Variants in KCNN2 observed in about 807,000 individuals in gnomAD.
The protein encoded by KCNN2 is small conductance calcium-activated potassium channel protein 2.
A neutral mutation model predicts 55.5 loss-of-function variants in KCNN2; 24 were observed. That is an observed-to-expected ratio of 0.43 (90% CI 0.31 to 0.61). KCNN2 has a LOEUF of 0.61. KCNN2 is among the 20% of genes least tolerant of loss of function. The pLI is 0.08. For synonymous variants in KCNN2, 431 were observed against 336.1 expected (o/e 1.28, Z -3.09); for missense variants, 754 against 853.6 (o/e 0.88, Z 1.45).
upstream of KCNN2, among the ~76,000 whole-genome samples, chr5:114,360,304 G>C (rs1437520647): frequency 6.6e-6 from 1 of 151,934 alleles, no homozygotes. Context: ...GCGCACACAC[G>C]CACACTCTGA....
intron 2 of KCNN2, among the ~76,000 whole-genome samples, chr5:114,354,704 C>T (rs1350315426): frequency 6.6e-6 from 1 of 151,896 alleles, no homozygotes; most frequent in Non-Finnish European, 1.5e-5. Flanking sequence ...ATAGTTTCAA[C>T]TAATTAAAAC....
chr5:114,463,281 C>T (rs1158458761), intron 4 of KCNN2, 91 bp downstream of exon 4: 4 of 967,370 alleles, frequency 4.1e-6, no homozygotes, highest in East Asian at 5.1e-5. Context: ...TTGTGAGCTA[C>T]TTCTTTTCCC....
chr5:114,237,274 ACACACACACACACACACT>A (rs992627885), intron 2 of KCNN2, among the ~76,000 whole-genome samples: 11 of 151,160 alleles, frequency 7.3e-5, no homozygotes, highest in African/African-American at 2.7e-4. Flanking sequence ...ACACACACAC[ACACACACACACACACACT>A]CACACACACA....
At chr5:114,078,452 G>A (rs1750729605) in intron 1 of KCNN2, among the ~76,000 whole-genome samples, 2 of 152,094 alleles carry the variant, frequency 1.3e-5, no homozygotes, top group African/African-American at 2.4e-5. Context: ...ATCGAGTATG[G>A]CACCAGGAAT....
intron 1 of KCNN2, among the ~76,000 whole-genome samples, chr5:114,128,652 G>A (rs1227766065): frequency 6.6e-6 from 1 of 152,144 alleles, no homozygotes; most frequent in East Asian, 1.9e-4. Context: ...TGGAACTCAT[G>A]TTAAGCTGAG....
At chr5:114,483,206 G>A (rs1421179610) in intron 5 of KCNN2, among the ~76,000 whole-genome samples, 1 of 151,236 alleles carries the variant, frequency 6.6e-6, no homozygotes, top group Non-Finnish European at 1.5e-5. Flanking sequence ...ACTTGTGAAA[G>A]TTGTTTTTAA....
At chr5:114,224,683 G>C (rs1754206891) in intron 2 of KCNN2, among the ~76,000 whole-genome samples, 1 of 152,088 alleles carries the variant, frequency 6.6e-6, no homozygotes, top group Non-Finnish European at 1.5e-5. Flanking sequence ...TGGAACATTG[G>C]GCTCAGTAGT....
rs917203775 is a variant in KCNN2, at chr5:114,478,310, T to C, written c.1890+5146T>C. ...CCTTTTAAACTATGTTGTCATTACC[T>C]ATATGCTATAGGTTTGAACAAAGCA... is the stretch of plus-strand genomic sequence containing the variant. On this transcript the variant is annotated intron_variant, in intron 5 of 7. Transcript: ENST00000673685. Among the ~76,000 whole-genome samples, 2 of 152,154 alleles carry C rather than the reference T, an allele frequency of 1.3e-5. 1 individual carries two copies. The highest frequency in any genetic ancestry group is 1.3e-4 in the Admixed American group (2 of 15,264).
intron 1 of KCNN2, among the ~76,000 whole-genome samples, chr5:114,121,361 G>A (rs1010931985): frequency 1.3e-5 from 2 of 152,160 alleles, no homozygotes; most frequent in Non-Finnish European, 2.9e-5. Context: ...TGGTGCCCAT[G>A]TGATTGATGT....
intron 2 of KCNN2, among the ~76,000 whole-genome samples, chr5:114,248,365 TG>T (rs35470043): frequency 1.3e-5 from 2 of 152,250 alleles, no homozygotes; most frequent in South Asian, 4.1e-4. Context: ...TTTAGTTATT[TG>T]GGGGGAAGTT....
At chr5:114,399,820 G>C (rs1343887134) in intron 2 of KCNN2, among the ~76,000 whole-genome samples, 1 of 151,696 alleles carries the variant, frequency 6.6e-6, no homozygotes, top group Non-Finnish European at 1.5e-5. Flanking sequence ...ATTTCTTCTG[G>C]GTTCGATCTT....
rs574983000 is a variant in KCNN2 at position 114,270,283 on chromosome 5, G to T, written c.-185+48718G>T. 2.6e-5 allele frequency among the ~76,000 whole-genome samples: 4 copies of T among 152,276 alleles called. No homozygotes were observed. In the South Asian group the frequency reaches 6.2e-4, roughly 24 times the overall value. On this transcript the variant is annotated intron_variant, in intron 2 of 10. Coordinates refer to the KCNN2 transcript ENST00000512097. ...GTTTGCTTTAGATAAATAATATATT[G>T]AAAATACGGGTAACAATCCTGACAT...
intron 2 of KCNN2, among the ~76,000 whole-genome samples, chr5:114,377,719 T>C (rs1429669594): frequency 1.3e-5 from 2 of 152,166 alleles, no homozygotes; most frequent in Non-Finnish European, 2.9e-5. Flanking sequence ...TCAGTTTTAC[T>C]CTGTGTGACC....
intron 1 of KCNN2, among the ~76,000 whole-genome samples, chr5:114,179,770 C>T (rs532128829): frequency 2.0e-5 from 3 of 152,194 alleles, no homozygotes; most frequent in East Asian, 3.9e-4. Context: ...AAGACTCAGC[C>T]ATATAGTAGT....
intron 1 of KCNN2, among the ~76,000 whole-genome samples, chr5:114,096,108 G>A (rs1171610655): frequency 6.6e-6 from 1 of 152,158 alleles, no homozygotes. Context: ...CAGAGAGCCA[G>A]GCTCAGCAGC....
At chr5:114,155,274 T>C (rs28706196) in intron 1 of KCNN2, among the ~76,000 whole-genome samples, 3,763 of 152,288 alleles carry the variant, frequency 0.025, 146 homozygotes, top group African/African-American at 0.085. Context: ...ACATTTTCTT[T>C]ATCCAGTCTG....
At chr5:114,318,535 A>G (rs934560288) in intron 2 of KCNN2, among the ~76,000 whole-genome samples, 11 of 151,852 alleles carry the variant, frequency 7.2e-5, no homozygotes, top group African/African-American at 1.9e-4. Flanking sequence ...ACCACTATAT[A>G]TAATCATACA....
chr5:114,397,437 A>G (rs1758653216), intron 2 of KCNN2, among the ~76,000 whole-genome samples: 1 of 152,050 alleles, frequency 6.6e-6, no homozygotes, highest in Admixed American at 6.6e-5. Context: ...CCCAGGCTGG[A>G]GTGCAATGGT....
At chr5:114,356,910 G>C (rs868675511) in intron 2 of KCNN2, among the ~76,000 whole-genome samples, 3 of 152,046 alleles carry the variant, frequency 2.0e-5, no homozygotes, top group Admixed American at 1.3e-4. Flanking sequence ...GGAAATAAAT[G>C]ATACTATCCT....
Sources: allele counts gnomAD v4.1 joint callset (sites outside exome capture counted in the v4.1 genomes callset), GRCh38; gene constraint gnomAD v4.1.1; transcripts MANE v1.5; gene names NCBI Gene and HGNC (gene_info 2026-07-23, HGNC 2026-07-21).